Variants in SLC4A1AP observed in about 807,000 individuals in gnomAD.
SLC4A1AP encodes the protein kanadaptin.
Under a neutral mutation model 89.7 loss-of-function variants are expected in SLC4A1AP, and 64 were observed. The observed-to-expected ratio is 0.71, with a 90% confidence interval of 0.58 to 0.88. The LOEUF (loss-of-function observed/expected upper bound fraction) is 0.88, where lower values mean the gene tolerates loss of function less well. SLC4A1AP is among the 40% of genes least tolerant of loss of function. The pLI, the probability that SLC4A1AP is intolerant of heterozygous loss-of-function variation, is 0.00. For synonymous variants in SLC4A1AP, 366 were observed against 353.3 expected, an observed-to-expected ratio of 1.04 and a Z score of -0.40; for missense variants, 931 against 965.0, an observed-to-expected ratio of 0.96 and a Z score of 0.47.
chr2:27,677,990 G>C, intron 8 of SLC4A1AP, 66 bp downstream of exon 8: 2 of 1,043,878 alleles, frequency 1.9e-6, no homozygotes, highest in Non-Finnish European at 2.7e-6. Flanking sequence ...TTCAATTATC[G>C]CTTTATCTTC....
chr2:27,693,916 A>G (rs1307926903), intron 13 of SLC4A1AP, among the ~76,000 whole-genome samples, 162 bp downstream of exon 13: 1 of 152,230 alleles, frequency 6.6e-6, no homozygotes, highest in African/African-American at 2.4e-5. Context: ...GTTTAAAAAA[A>G]TTATTAGCCA....
intron 9 of SLC4A1AP, among the ~76,000 whole-genome samples, chr2:27,683,644 AT>A (rs1448889274): frequency 2.6e-5 from 4 of 152,192 alleles, no homozygotes; most frequent in African/African-American, 9.7e-5. Flanking sequence ...TCAAACATGA[AT>A]TTGGGCAGCA....
At chr2:27,664,542 C>G in exon 1 of SLC4A1AP, 1 of 1,613,252 alleles carries the variant, frequency 6.2e-7, no homozygotes, top group Non-Finnish European at 8.5e-7. Context: ...GCATGTTGTT[C>G]GCTTTGGAGG....
intron 8 of SLC4A1AP, among the ~76,000 whole-genome samples, chr2:27,681,720 G>A (rs761249210): frequency 1.8e-4 from 28 of 152,030 alleles, no homozygotes; most frequent in Admixed American, 1.0e-3. Context: ...ATCTCCAGCC[G>A]TTGAGAATGT....
At chr2:27,685,978 AG>A (rs1675700014) in intron 10 of SLC4A1AP, among the ~76,000 whole-genome samples, 1 of 152,220 alleles carries the variant, frequency 6.6e-6, no homozygotes, top group Non-Finnish European at 1.5e-5. Flanking sequence ...CCACCCCTAA[AG>A]ATCATTGTTT....
intron 12 of SLC4A1AP, chr2:27,691,888 C>T (rs1460914632): frequency 6.6e-6 from 1 of 152,168 alleles, no homozygotes; most frequent in Non-Finnish European, 1.5e-5. Flanking sequence ...CCGCGCCCAG[C>T]CTCATTTGGT....
intron 5 of SLC4A1AP, among the ~76,000 whole-genome samples, chr2:27,674,488 T>C (rs1337858925): frequency 6.6e-6 from 1 of 152,154 alleles, no homozygotes; most frequent in African/African-American, 2.4e-5. Context: ...ATCAAAAAGG[T>C]TGTATCAATG....
intron 13 of SLC4A1AP, 89 bp from the exon 14 acceptor site, chr2:27,694,545 A>C: frequency 1.1e-6 from 1 of 928,970 alleles, no homozygotes; most frequent in Non-Finnish European, 1.6e-6. Context: ...TGTCTATTTT[A>C]CTTTTTGGCC....
chr2:27,693,573 T>G, intron 12 of SLC4A1AP, 112 bp from the exon 13 acceptor site: 1 of 696,220 alleles, frequency 1.4e-6, no homozygotes, highest in Non-Finnish European at 2.4e-6. Flanking sequence ...AATTCTTGAC[T>G]AATGTTTATT....
At chr2:27,665,431 T>C in intron 2 of SLC4A1AP, 136 bp downstream of exon 2, 1 of 608,274 alleles carries the variant, frequency 1.6e-6, no homozygotes, top group Non-Finnish European at 2.7e-6. Context: ...GCACATGAGG[T>C]AACCAAAACC....
chr2:27,672,853 A>G (rs897870038), intron 5 of SLC4A1AP, among the ~76,000 whole-genome samples: 1 of 152,182 alleles, frequency 6.6e-6, no homozygotes, highest in Admixed American at 6.5e-5. Flanking sequence ...TGCTCTTCCA[A>G]TCTCCTGCCT....
At chr2:27,685,041 T>C (rs776563691) in exon 10 of SLC4A1AP, 29 of 1,594,626 alleles carry the variant, frequency 1.8e-5, no homozygotes, top group Non-Finnish European at 2.4e-5. Flanking sequence ...TCTTAGAAGT[T>C]ACCCCCCAAG....
At chr2:27,669,359 C>G in exon 5 of SLC4A1AP, 6 of 1,612,318 alleles carry the variant, frequency 3.7e-6, no homozygotes, top group Non-Finnish European at 5.1e-6. Flanking sequence ...GGATTCTTGA[C>G]ACTTTGGGAT....
At chr2:27,664,673 G>A in intron 1 of SLC4A1AP, 96 bp downstream of exon 1, 12 of 949,368 alleles carry the variant, frequency 1.3e-5, no homozygotes, top group Non-Finnish European at 1.9e-5. Flanking sequence ...CTCCCACTCA[G>A]CGATTACGAA....
At chr2:27,686,266 G>A (rs1232482062) in intron 10 of SLC4A1AP, among the ~76,000 whole-genome samples, 3 of 152,178 alleles carry the variant, frequency 2.0e-5, no homozygotes, top group Non-Finnish European at 4.4e-5. Context: ...TCTGTGAGAG[G>A]TAAGTATTCT....
chr2:27,688,301 A>T (rs1675738927), intron 11 of SLC4A1AP, among the ~76,000 whole-genome samples: 1 of 152,186 alleles, frequency 6.6e-6, no homozygotes, highest in African/African-American at 2.4e-5. Flanking sequence ...AAAGCTCTCC[A>T]CAATTTTACA....
rs946892897 is a variant in SLC4A1AP, at chr2:27,677,427, G to T, written c.1576+63G>T. On this transcript the variant is annotated intron_variant, in intron 7 of 13. Transcript: ENST00000613058. ...ATAGTGCTCTATGCTAGGCACTGGG[G>T]CTACATTAGTTAATAAGAAATACCA... The T allele has an allele frequency of 5.5e-6, 6 of 1,098,016 alleles. No individual in the cohort carries two copies. The African/African-American group carries it at 6.3e-5, about 12-fold the overall frequency. The allele number at this position is 1,098,016 out of a possible 1,614,324, so 68.0% of individuals were successfully genotyped here.
intron 8 of SLC4A1AP, among the ~76,000 whole-genome samples, chr2:27,679,295 CA>C (rs1462793404): frequency 6.6e-6 from 1 of 152,114 alleles, no homozygotes; most frequent in Non-Finnish European, 1.5e-5. Flanking sequence ...AAATGTTTAT[CA>C]AAGGGGATGG....
rs1390816481 is a variant in SLC4A1AP, at chr2:27,664,560, C to T, written c.808C>T (p.Arg270Trp). The change falls in exon 1 of 14, where the codon CGG (arginine) becomes TGG (tryptophan). Residue 270 changes from arginine to tryptophan, a missense_variant. Arg to Trp is a moderately radical substitution (Grantham distance 101). Transcript: ENST00000613058. Reference sequence around the variant, plus strand: ...TGTTGTTCGCTTTGGAGGCAGCACCCGGCTCTTTATCCTGCAGGTAGGTAG... The same window carrying T: ...TGTTGTTCGCTTTGGAGGCAGCACCTGGCTCTTTATCCTGCAGGTAGGTAG... 2 of 1,610,860 alleles carry T rather than the reference C, an allele frequency of 1.2e-6. No individual in the cohort carries two copies. The highest frequency in any genetic ancestry group is 8.5e-7 in the Non-Finnish European group (1 of 1,177,588).
Sources: gnomAD v4.1 joint callset for allele counts (sites outside exome capture counted in the v4.1 genomes callset) on GRCh38, gnomAD v4.1.1 for gene constraint, MANE v1.5 for transcripts, NCBI Gene and HGNC (gene_info 2026-07-23, HGNC 2026-07-21) for gene names.